CAPN13: variants seen among roughly 807,000 people sequenced by gnomAD.
CAPN13 encodes the protein calpain-13.
In CAPN13, 90 loss-of-function variants were observed where a neutral mutation model predicts 98.4. That is an observed-to-expected ratio of 0.92 (90% CI 0.77 to 1.09). The LOEUF is 1.09. CAPN13 is among the 50% of genes least tolerant of loss of function. The probability of loss-of-function intolerance (pLI) is 0.00; values close to 1 mark genes in which losing one functional copy is unlikely to be tolerated. For synonymous variants in CAPN13, 330 were observed against 305.5 expected, an observed-to-expected ratio of 1.08 and a Z score of -0.84; for missense variants, 887 against 841.3, an observed-to-expected ratio of 1.05 and a Z score of -0.67.
At chr2:30,738,338 T>A in intron 16 of CAPN13, 45 bp from the exon 17 acceptor site, 1 of 1,612,706 alleles carries the variant, frequency 6.2e-7, no homozygotes, top group Non-Finnish European at 8.5e-7. Context: ...GACAGTGGGG[T>A]GTGGGGTGGG....
intron 5 of CAPN13, among the ~76,000 whole-genome samples, chr2:30,768,179 G>A (rs892814151): frequency 3.9e-5 from 6 of 152,188 alleles, no homozygotes; most frequent in Non-Finnish European, 5.9e-5. Flanking sequence ...TCCCTTTGTA[G>A]CCACTTGACC....
At chr2:30,764,029 G>T in intron 6 of CAPN13, 103 bp downstream of exon 6, 1 of 1,167,652 alleles carries the variant, frequency 8.6e-7, no homozygotes, top group Non-Finnish European at 1.2e-6. Flanking sequence ...GTTCGTTAAT[G>T]GTGGCAGCTT....
chr2:30,785,505 A>G (rs1674227599), intron 2 of CAPN13, among the ~76,000 whole-genome samples: 1 of 152,066 alleles, frequency 6.6e-6, no homozygotes, highest in Non-Finnish European at 1.5e-5. Context: ...GGATGAGGAG[A>G]GTAGTAATGG....
intron 7 of CAPN13, among the ~76,000 whole-genome samples, chr2:30,758,989 T>G (rs116074885): frequency 0.015 from 1,779 of 122,360 alleles, 53 homozygotes; most frequent in African/African-American, 0.055. Context: ...TCTTCCCCCC[T>G]TGCCCCTATC....
chr2:30,734,411 G>A (rs746322475), intron 19 of CAPN13, 38 bp downstream of exon 19: 18 of 1,553,610 alleles, frequency 1.2e-5, no homozygotes, highest in East Asian at 4.5e-5. Context: ...CCCCCTCCCC[G>A]GACCTTGGGC....
intron 1 of CAPN13, among the ~76,000 whole-genome samples, chr2:30,800,178 AAGAAAG>A (rs1361461954): frequency 3.3e-5 from 5 of 151,096 alleles, no homozygotes; most frequent in Admixed American, 2.6e-4. Flanking sequence ...GAAAGAAAGA[AAGAAAG>A]AAAGAAAACT....
At chr2:30,769,916 GC>G (rs1386450803) in intron 5 of CAPN13, among the ~76,000 whole-genome samples, 1 of 152,010 alleles carries the variant, frequency 6.6e-6, no homozygotes, top group Non-Finnish European at 1.5e-5. Context: ...CTGAAATCCT[GC>G]CCATCCTTTG....
At chr2:30,794,544 T>C (rs745322161) in intron 1 of CAPN13, among the ~76,000 whole-genome samples, 1 of 151,890 alleles carries the variant, frequency 6.6e-6, no homozygotes. Flanking sequence ...ATTCCAGTCC[T>C]AGGAATTTAC....
At chr2:30,750,163 G>A (rs1672102759) in intron 11 of CAPN13, among the ~76,000 whole-genome samples, 1 of 152,160 alleles carries the variant, frequency 6.6e-6, no homozygotes. Flanking sequence ...TGGGAACATG[G>A]ATGGAGCTGG....
Position 30,770,316 on chromosome 2 carries a change from G to T in CAPN13, c.521C>A (p.Ala174Asp). ...TGGGTGGCGGGGTTGTACTTACTTGGCATAGGCCTTCTCCAGCAGGCAGGG... is the reference window on the plus strand; with the variant it reads ...TGGGTGGCGGGGTTGTACTTACTTGTCATAGGCCTTCTCCAGCAGGCAGGG... ...FWPCLLEKAY[A>D]KLLGSYSDLH... Residue 174 changes from alanine to aspartate, a missense_variant, in exon 5 of 23, where the codon GCC becomes GAC. Coordinates refer to ENST00000295055, the MANE Select transcript of CAPN13 (RefSeq NM_144575.3). 6.2e-7 allele frequency: 1 copy of T among 1,613,746 alleles called. No individual in the cohort carries two copies.
At chr2:30,738,573 C>T in intron 15 of CAPN13, 116 bp from the exon 16 acceptor site, 1 of 1,084,806 alleles carries the variant, frequency 9.2e-7, no homozygotes, top group Non-Finnish European at 1.4e-6. Flanking sequence ...CACAATGTAC[C>T]CATCTTGCCC....
intron 22 of CAPN13, among the ~76,000 whole-genome samples, chr2:30,726,042 A>T (rs1670844444): frequency 6.6e-6 from 1 of 152,202 alleles, no homozygotes; most frequent in African/African-American, 2.4e-5. Context: ...GAAGGTATAA[A>T]CCTGAAAGAA....
At chr2:30,777,201 C>G (rs1178280194) in intron 3 of CAPN13, among the ~76,000 whole-genome samples, 2 of 152,180 alleles carry the variant, frequency 1.3e-5, no homozygotes, top group African/African-American at 4.8e-5. Context: ...CTGGGAATGT[C>G]TGGTGGGGTG....
intron 17 of CAPN13, 175 bp from the exon 18 acceptor site, chr2:30,736,746 G>A: frequency 1.7e-6 from 1 of 605,790 alleles, no homozygotes; most frequent in Non-Finnish European, 2.9e-6. Context: ...ACCTGGCTTA[G>A]ATTTGTTTTA....
chr2:30,738,331 AGTGGGGTGTGGG>A (rs1671480652), intron 16 of CAPN13, 38 bp from the exon 17 acceptor site: 1 of 1,613,426 alleles, frequency 6.2e-7, no homozygotes, highest in African/African-American at 1.3e-5. Context: ...AAGTGTTGAC[AGTGGGGTGTGGG>A]GTGGGGTTGC....
At chr2:30,763,499 A>G (rs970606289) in intron 6 of CAPN13, among the ~76,000 whole-genome samples, 102 of 152,366 alleles carry the variant, frequency 6.7e-4, no homozygotes, top group African/African-American at 2.4e-3. Context: ...CTTGACCCCC[A>G]CATTGGGAGT....
Position 30,775,978 on chromosome 2 carries a change from C to A in CAPN13, c.339G>T (p.Leu113=), listed in dbSNP as rs1192879763. 1 of 1,612,832 alleles carries A rather than the reference C, an allele frequency of 6.2e-7. No individual in the cohort carries two copies. The highest frequency in any genetic ancestry group is 8.5e-7 in the Non-Finnish European group (1 of 1,179,336). Residue 113 remains leucine (L), a synonymous_variant, in exon 4 of 23, where the codon CTG becomes CTT. Coordinates refer to ENST00000295055, the MANE Select transcript of CAPN13 (RefSeq NM_144575.3). ...TQNPQYRQKI[L]MVQSFSHQYA... Reference sequence around the variant, plus strand: ...ACTGGTGTGAAAAGCTTTGGACCATCAGGATCTTCTGCCTGTACTGTGGGT... The same window carrying A: ...ACTGGTGTGAAAAGCTTTGGACCATAAGGATCTTCTGCCTGTACTGTGGGT...
intron 8 of CAPN13, among the ~76,000 whole-genome samples, chr2:30,756,549 A>G (rs183188738): frequency 6.6e-6 from 1 of 152,214 alleles, no homozygotes; most frequent in Non-Finnish European, 1.5e-5. Flanking sequence ...CTCTTCTCCT[A>G]CCCCAGGGAA....
chr2:30,741,775 A>C, intron 15 of CAPN13, 133 bp downstream of exon 15: 2 of 1,521,496 alleles, frequency 1.3e-6, no homozygotes, highest in Non-Finnish European at 8.8e-7. Flanking sequence ...CGATCCAGGA[A>C]GAGAGGCAGG....
Sources: gnomAD v4.1 joint callset for allele counts (sites outside exome capture counted in the v4.1 genomes callset) on GRCh38, gnomAD v4.1.1 for gene constraint, MANE v1.5 for transcripts, NCBI Gene and HGNC (gene_info 2026-07-23, HGNC 2026-07-21) for gene names.